The following TBC1D24 variants were observed in gnomAD, a reference collection of about 807,000 sequenced individuals.
TBC1D24 encodes Infantile myoclonic epilepsy.
Under a neutral mutation model 50.7 loss-of-function variants are expected in TBC1D24, and 47 were observed. The observed-to-expected ratio is 0.93, with a 90% CI of 0.73 to 1.18. The LOEUF is 1.18. Among genes scored for constraint, TBC1D24 ranks in the 50% most tolerant of loss-of-function variants. TBC1D24 has a pLI of 0.00. For missense variants in TBC1D24, 688 were observed against 766.5 expected (o/e 0.90, Z 1.21); for synonymous variants, 324 against 335.2 (o/e 0.97, Z 0.36).
intron 1 of TBC1D24, among the ~76,000 whole-genome samples, chr16:2,491,013 T>G (rs1488496986): frequency 6.6e-6 from 1 of 152,110 alleles, no homozygotes; most frequent in Non-Finnish European, 1.5e-5. Context: ...ACCTCCAGAG[T>G]GTGGGCACTC....
chr16:2,482,591 C>G lies in TBC1D24; in HGVS notation c.-116+7421C>G, dbSNP rs2141854873. Among the ~76,000 whole-genome samples the G allele has an allele frequency of 6.6e-6, 1 of 152,184 alleles. No individual in the cohort carries two copies. The highest frequency in any genetic ancestry group is 2.4e-5 in the African/African-American group (1 of 41,514). ...CTGGGTCCTGAAGGGCGGGGGACACCAGGAGAGGGTTTCGGGTGGAGAACG... is the reference window on the plus strand; with the variant it reads ...CTGGGTCCTGAAGGGCGGGGGACACGAGGAGAGGGTTTCGGGTGGAGAACG... On this transcript the variant is annotated intron_variant, in intron 1 of 7. Coordinates refer to ENST00000646147, the MANE Select transcript of TBC1D24 (RefSeq NM_001199107.2). This position sits in a 1 kb window ranked among gnomAD's most constrained non-coding sequence, Gnocchi z 5.2.
intron 1 of TBC1D24, among the ~76,000 whole-genome samples, chr16:2,489,005 G>A (rs1040720229): frequency 7.3e-5 from 11 of 151,014 alleles, no homozygotes; most frequent in African/African-American, 2.7e-4. Context: ...GGGAGGCAGA[G>A]GTTGCAGTGT....
Position 2,487,631 on chromosome 16 carries a change from T to C in TBC1D24, c.-115-8403T>C, listed in dbSNP as rs113795645. On this transcript the variant is annotated intron_variant, in intron 1 of 7. Transcript: ENST00000646147. This position sits in a 1 kb window ranked among gnomAD's most constrained non-coding sequence, Gnocchi z 4.1. ...TGGAGTTTTGTGCTGGAGTTTGGTG[T>C]TGGAGTTTGGTGTTGGAGTTTGGTG... Among the ~76,000 whole-genome samples, 2,700 of 148,188 alleles carry C rather than the reference T, an allele frequency of 0.018. 85 individuals are homozygous for C. The highest frequency in any genetic ancestry group is 0.061 in the African/African-American group (2,484 of 40,734).
At position 2,496,266 on chromosome 16, in the gene TBC1D24, C is replaced by T. The variant is rs398122966; in HGVS notation, c.118C>T (p.Arg40Cys). The change falls in exon 2 of 8, where the codon CGC (arginine) becomes TGC (cysteine). Residue 40 changes from arginine (R) to cysteine (C), a missense_variant. By Grantham distance (180) the Arg-to-Cys change is radical. Coordinates refer to ENST00000646147, the MANE Select transcript of TBC1D24 (RefSeq NM_001199107.2). Reference protein sequence around the residue: ...TELQELKQLARQGYWAQSHAL... With the variant: ...TELQELKQLACQGYWAQSHAL... ...ACTGCAGGAACTGAAGCAGCTGGCGCGCCAGGGCTACTGGGCCCAAAGCCA... is the reference window on the plus strand; with the variant it reads ...ACTGCAGGAACTGAAGCAGCTGGCGTGCCAGGGCTACTGGGCCCAAAGCCA... 1.4e-5 allele frequency: 22 copies of T among 1,613,780 alleles called. No individual in the cohort carries two copies. The highest frequency in any genetic ancestry group is 1.6e-5 in the Non-Finnish European group (19 of 1,180,032).
intron 1 of TBC1D24, chr16:2,478,432 G>C (rs1596952024): frequency 6.6e-6 from 1 of 152,394 alleles, no homozygotes; most frequent in Non-Finnish European, 1.5e-5. Flanking sequence ...TGTGGAGGGA[G>C]GGGGCGGGCT....
At chr16:2,481,800 C>G (rs1405961811) in intron 1 of TBC1D24, 1 of 152,274 alleles carries the variant, frequency 6.6e-6, no homozygotes, top group Non-Finnish European at 1.5e-5. Context: ...GCAGCAGGCT[C>G]AGCAGCCACA....
At position 2,496,152 on chromosome 16, in the gene TBC1D24, G is replaced by A; in HGVS notation, c.4G>A (p.Asp2Asn). M[D>N]SPGYNCFVDK... ...TCCTCCCGAGCACAGCGGCGCTATG[G>A]ACTCTCCAGGATACAACTGCTTCGT... is the stretch of plus-strand genomic sequence containing the variant. Residue 2 changes from aspartate (D) to asparagine (N), a missense_variant, in exon 2 of 8, where the codon GAC becomes AAC. Physicochemically the swap from Asp to Asn is conservative, Grantham distance 23 (BLOSUM62 1). Coordinates refer to ENST00000646147, the MANE Select transcript of TBC1D24 (RefSeq NM_001199107.2). The A allele has an allele frequency of 6.2e-7, 1 of 1,613,772 alleles. No homozygotes were observed. The highest frequency in any genetic ancestry group is 8.5e-7 in the Non-Finnish European group (1 of 1,180,008).
chr16:2,498,828 C>T lies in TBC1D24; in HGVS notation c.1142+432C>T, dbSNP rs556960253. Among the ~76,000 whole-genome samples the T allele has an allele frequency of 5.9e-5, 9 of 152,296 alleles. No homozygotes were observed. In the South Asian group the frequency reaches 1.7e-3, roughly 28 times the overall value. ...CCTCCAGCCTTGGACAGCATGTGGC[C>T]GTGGGAGCTCTGGGTTGGGCCTGGG... On this transcript the variant is annotated intron_variant, in intron 4 of 7. Coordinates refer to ENST00000646147, the MANE Select transcript of TBC1D24 (RefSeq NM_001199107.2).
chr16:2,501,311 C>A lies in TBC1D24; in HGVS notation c.*353C>A. On this transcript the variant is annotated 3_prime_UTR_variant, in exon 8 of 8. Coordinates refer to ENST00000646147, the MANE Select transcript of TBC1D24 (RefSeq NM_001199107.2). The stretch of plus-strand genomic sequence containing the variant: ...CCTGAGCCTCTCTAGGCAGCCTGAG[C>A]CCCTGGGGTGGGAGTACAACGGCAG... 3.1e-6 allele frequency: 1 copy of A among 325,680 alleles called. No homozygotes were observed. The highest frequency in any genetic ancestry group is 5.9e-6 in the Non-Finnish European group (1 of 170,812). The allele number at this position is 325,680 out of a possible 1,614,324, so 20.2% of individuals were successfully genotyped here. A position where few individuals can be genotyped will look rare whatever the true frequency, so the allele number is the denominator to read the frequency against.
Position 2,501,112 on chromosome 16 carries a change from C to G in TBC1D24, c.*154C>G, listed in dbSNP as rs562821653. ...CCAAGCCTGGCGTTGCCTGGACCTGCTGCTGCCTCTACCTGGGGTTTGGGC... is the reference window on the plus strand; with the variant it reads ...CCAAGCCTGGCGTTGCCTGGACCTGGTGCTGCCTCTACCTGGGGTTTGGGC... On this transcript the variant is annotated 3_prime_UTR_variant, in exon 8 of 8. Transcript: ENST00000646147. 173 of 960,834 alleles carry G rather than the reference C, an allele frequency of 1.8e-4. No individual in the cohort carries two copies. In the African/African-American group the frequency reaches 2.3e-3, roughly 13 times the overall value. The allele number at this position is 960,834 out of a possible 1,614,324, so 59.5% of individuals were successfully genotyped here. A position where few individuals can be genotyped will look rare whatever the true frequency, so the allele number is the denominator to read the frequency against.
chr16:2,497,838 A>C, intron 3 of TBC1D24, 111 bp downstream of exon 3: 1 of 1,130,218 alleles, frequency 8.8e-7, no homozygotes, highest in Non-Finnish European at 1.3e-6. Context: ...CAGCTTCAGC[A>C]GCGCTGCCTC....
Position 2,482,823 on chromosome 16 carries a change from G to A in TBC1D24, c.-116+7653G>A, listed in dbSNP as rs570498477. Among the ~76,000 whole-genome samples, 1 of 152,284 alleles carries A rather than the reference G, an allele frequency of 6.6e-6. No individual in the cohort carries two copies. Among genetic ancestry groups the A allele is most frequent in the South Asian group, 2.1e-4 (1 of 4,832 alleles). ...AGGCACGGGCGGTGGAGGAGCAGCC[G>A]CGGAGAGGTGAGGGGATGCCTGGCA... is the stretch of plus-strand genomic sequence containing the variant. On this transcript the variant is annotated intron_variant, in intron 1 of 7. Coordinates refer to ENST00000646147, the MANE Select transcript of TBC1D24 (RefSeq NM_001199107.2). This position sits in a 1 kb window ranked among gnomAD's most constrained non-coding sequence, Gnocchi z 5.2.
rs1350456497 is a variant in TBC1D24, at chr16:2,475,549, G to T, written c.-116+379G>T. 6.6e-6 allele frequency among the ~76,000 whole-genome samples: 1 copy of T among 152,130 alleles called. No homozygotes were observed. The highest frequency in any genetic ancestry group is 2.4e-5 in the African/African-American group (1 of 41,448). On this transcript the variant is annotated intron_variant, in intron 1 of 7. Coordinates refer to ENST00000646147, the MANE Select transcript of TBC1D24 (RefSeq NM_001199107.2). The surrounding 1 kb of genome is among the most constrained non-coding windows in gnomAD (Gnocchi z 4.2). ...GGTCGGAAATCCTCTTGGGGGCTCG[G>T]TGAGATTGCAACAGATTCTGATACG...
At position 2,496,391 on chromosome 16, in the gene TBC1D24, C is replaced by G. The variant is rs745405784; in HGVS notation, c.243C>G (p.Ile81Met). ...TGTACAGCGACATCGTGGGCAAGAT[C>G]GTGGGCAAGCACAGCAGCAGCTGCC... ...ASVYSDIVGKIVGKHSSSCLP... is the reference protein window; with the variant it reads ...ASVYSDIVGKMVGKHSSSCLP... The change falls in exon 2 of 8, where the codon ATC (isoleucine) becomes ATG (methionine). Residue 81 changes from isoleucine (I) to methionine (M), a missense_variant. Transcript: ENST00000646147. 1 of 1,613,172 alleles carries G rather than the reference C, an allele frequency of 6.2e-7. No individual in the cohort carries two copies. Among genetic ancestry groups the G allele is most frequent in the Non-Finnish European group, 8.5e-7 (1 of 1,179,992 alleles).
At chr16:2,497,201 C>T (rs1282725690) in intron 2 of TBC1D24, 88 bp downstream of exon 2, 2 of 1,553,060 alleles carry the variant, frequency 1.3e-6, no homozygotes, top group Middle Eastern at 2.0e-4. Flanking sequence ...TGCCGGCCTC[C>T]AGGCGGCCTC....
intron 2 of TBC1D24, 82 bp downstream of exon 2, chr16:2,497,195 G>C: frequency 1.3e-6 from 2 of 1,573,102 alleles, no homozygotes; most frequent in Non-Finnish European, 1.7e-6. Flanking sequence ...TCATCCTGCC[G>C]GCCTCCAGGC....
In TBC1D24 at chr16:2,496,539, T is replaced by G; in HGVS notation, c.391T>G (p.Cys131Gly). 3 of 1,608,292 alleles carry G rather than the reference T, an allele frequency of 1.9e-6. No homozygotes were observed. Among genetic ancestry groups the G allele is most frequent in the Non-Finnish European group, 2.5e-6 (3 of 1,179,946 alleles). The change falls in exon 2 of 8, where the codon TGC (cysteine) becomes GGC (glycine). Residue 131 changes from cysteine to glycine, a missense_variant. Cys to Gly is a radical substitution (Grantham distance 159). Coordinates refer to ENST00000646147, the MANE Select transcript of TBC1D24 (RefSeq NM_001199107.2). ...LANQFPDISF[C>G]PALPAVVALL... is the part of the protein sequence containing the mutation. ...CAACCAGTTCCCCGACATCTCCTTC[T>G]GCCCCGCCCTGCCGGCCGTGGTGGC...
At position 2,504,479 on chromosome 16, in the gene TBC1D24, C is replaced by G. The variant is rs559696514; in HGVS notation, c.*3521C>G. ...TGTCGCCCAGGCTGGAGTGCAGTGG[C>G]GCGATCTCGGCTCACCGCAAGCCCC... On this transcript the variant is annotated 3_prime_UTR_variant, in exon 8 of 8. Coordinates refer to ENST00000646147, the MANE Select transcript of TBC1D24 (RefSeq NM_001199107.2). 1 of 138,546 alleles carries G rather than the reference C, an allele frequency of 7.2e-6. No individual in the cohort carries two copies. Among genetic ancestry groups the G allele is most frequent in the Non-Finnish European group, 1.5e-5 (1 of 66,738 alleles). 8.6% of individuals were successfully genotyped at this position (138,546 alleles called of 1,614,324 possible). A position where few individuals can be genotyped will look rare whatever the true frequency, so the allele number is the denominator to read the frequency against.
chr16:2,501,813 G>C lies in TBC1D24; in HGVS notation c.*855G>C, dbSNP rs1396614005. ...CCAGACCAGCAAGCTCCATTTCCAGGGGTCTGCCCAGAGAAGCCTGGACCC... is the reference window on the plus strand; with the variant it reads ...CCAGACCAGCAAGCTCCATTTCCAGCGGTCTGCCCAGAGAAGCCTGGACCC... On this transcript the variant is annotated 3_prime_UTR_variant, in exon 8 of 8. Coordinates refer to ENST00000646147, the MANE Select transcript of TBC1D24 (RefSeq NM_001199107.2). The C allele has an allele frequency of 6.5e-6, 1 of 152,856 alleles. No homozygotes were observed. Among genetic ancestry groups the C allele is most frequent in the Non-Finnish European group, 1.5e-5 (1 of 68,374 alleles). The allele number at this position is 152,856 out of a possible 1,614,324, so 9.5% of individuals were successfully genotyped here.
Sources: allele counts gnomAD v4.1 joint callset (sites outside exome capture counted in the v4.1 genomes callset), GRCh38; gene constraint gnomAD v4.1.1; non-coding constraint Gnocchi (gnomAD v3.1); transcripts MANE v1.5; gene names NCBI Gene and HGNC (gene_info 2026-07-23, HGNC 2026-07-21).